CRISPLD1: variants seen among roughly 807,000 people sequenced by gnomAD.
The protein encoded by CRISPLD1 is cysteine-rich secretory protein LCCL domain-containing 1.
CRISPLD1 carries 60 observed loss-of-function variants against 77.5 expected under a neutral mutation model. That is an observed-to-expected ratio of 0.77 (90% CI 0.63 to 0.96). The LOEUF is 0.96. Among genes scored for constraint, CRISPLD1 ranks in the 40% least tolerant of loss-of-function variants. The probability of loss-of-function intolerance (pLI) is 0.00; values close to 1 mark genes in which losing one functional copy is unlikely to be tolerated. For missense variants in CRISPLD1, 623 were observed against 615.8 expected (o/e 1.01, Z -0.12); for synonymous variants, 195 against 200.1 (o/e 0.97, Z 0.22).
intron 2 of CRISPLD1, 23 bp from the exon 3 acceptor site, chr8:75,012,410 T>G (rs1357328365): frequency 1.4e-6 from 2 of 1,426,212 alleles, no homozygotes; most frequent in Non-Finnish European, 2.0e-6. Context: ...ATGTGCACAT[T>G]TTGCTTTTGT....
intron 2 of CRISPLD1, among the ~76,000 whole-genome samples, chr8:75,009,770 C>A (rs1016183694): frequency 6.6e-6 from 1 of 152,052 alleles, no homozygotes; most frequent in Non-Finnish European, 1.5e-5. Context: ...TTTCTAGATA[C>A]AAAAGGAAAT....
At chr8:75,031,567 C>CTGTGTGTGTG (rs755567610) in intron 14 of CRISPLD1, among the ~76,000 whole-genome samples, 1 of 65,674 alleles carries the variant, frequency 1.5e-5, no homozygotes, top group African/African-American at 9.5e-5. Context: ...ATTGAATGCT[C>CTGTGTGTGTG]TGTGTGTGTG....
At position 75,009,339 on chromosome 8, in the gene CRISPLD1, A is replaced by G. The variant is rs964371833; in HGVS notation, c.259-3094A>G. ...TGTGTCTTAACAGGAAAAAAAAAGA[A>G]AAAAAAAAGAAGCTTTGTTTCCTAA... On this transcript the variant is annotated intron_variant, in intron 2 of 14. Transcript: ENST00000262207. Among the ~76,000 whole-genome samples the G allele has an allele frequency of 8.7e-5, 13 of 149,922 alleles. No homozygotes were observed. The Middle Eastern group carries it at 0.01, about 118-fold the overall frequency.
intron 2 of CRISPLD1, among the ~76,000 whole-genome samples, chr8:74,999,804 T>TATAC (rs1812708896): frequency 6.6e-6 from 1 of 150,536 alleles, no homozygotes; most frequent in African/African-American, 2.4e-5. Context: ...GTACTTATAA[T>TATAC]ACACAATGTT....
intron 13 of CRISPLD1, among the ~76,000 whole-genome samples, chr8:75,027,559 C>T (rs1813255258): frequency 6.6e-6 from 1 of 152,136 alleles, no homozygotes; most frequent in African/African-American, 2.4e-5. Flanking sequence ...TTTCTACCCT[C>T]AGTGAAATGG....
chr8:75,020,557 T>A (rs1438988941), intron 12 of CRISPLD1, among the ~76,000 whole-genome samples: 1 of 152,194 alleles, frequency 6.6e-6, no homozygotes, highest in Non-Finnish European at 1.5e-5. Flanking sequence ...TCCCTTCTTG[T>A]AAGGACACTA....
At chr8:75,031,143 A>G (rs1376489258) in intron 14 of CRISPLD1, among the ~76,000 whole-genome samples, 2 of 152,050 alleles carry the variant, frequency 1.3e-5, no homozygotes, top group Admixed American at 1.3e-4. Flanking sequence ...TGGATTGGCC[A>G]TCTACTTGCA....
chr8:74,987,236 C>T (rs1001035302), intron 2 of CRISPLD1, among the ~76,000 whole-genome samples: 6 of 152,076 alleles, frequency 3.9e-5, no homozygotes, highest in Non-Finnish European at 8.8e-5. Flanking sequence ...TTAACTTTTA[C>T]CAGAAAAAAT....
chr8:75,010,741 T>C (rs1812914731), intron 2 of CRISPLD1, among the ~76,000 whole-genome samples: 1 of 152,126 alleles, frequency 6.6e-6, no homozygotes, highest in Admixed American at 6.6e-5. Flanking sequence ...TCTTTTGTTA[T>C]CTTGTTAGAG....
At chr8:75,030,157 C>A (rs1050128634) in intron 14 of CRISPLD1, among the ~76,000 whole-genome samples, 8 of 151,908 alleles carry the variant, frequency 5.3e-5, no homozygotes, top group African/African-American at 1.7e-4. Flanking sequence ...ATTAAAAGTC[C>A]TATTTATTTG....
intron 2 of CRISPLD1, among the ~76,000 whole-genome samples, chr8:74,987,776 C>T (rs1812518196): frequency 6.6e-6 from 1 of 152,084 alleles, no homozygotes; most frequent in Non-Finnish European, 1.5e-5. Context: ...TATTCAGTTG[C>T]TTTTTACTTA....
At chr8:75,016,519 C>T (rs1468586518) in intron 6 of CRISPLD1, 46 bp from the exon 7 acceptor site, 14 of 1,523,172 alleles carry the variant, frequency 9.2e-6, no homozygotes, top group Admixed American at 1.9e-5. Context: ...AATTCATGCA[C>T]ATGTAAAATA....
chr8:74,992,569 A>G (rs756074797), intron 2 of CRISPLD1, among the ~76,000 whole-genome samples: 2 of 152,236 alleles, frequency 1.3e-5, no homozygotes, highest in Non-Finnish European at 2.9e-5. Context: ...AAAAGGACAC[A>G]TGGGTCAACT....
intron 12 of CRISPLD1, among the ~76,000 whole-genome samples, chr8:75,022,169 A>G (rs1813146732): frequency 6.6e-6 from 1 of 152,242 alleles, no homozygotes; most frequent in Non-Finnish European, 1.5e-5. Context: ...ACTGTTACCA[A>G]CATAATAAAT....
In CRISPLD1 at chr8:75,032,473, C is replaced by T; in HGVS notation, c.*231C>T. The T allele has an allele frequency of 2.7e-6, 1 of 364,158 alleles. No homozygotes were observed. The highest frequency in any genetic ancestry group is 5.0e-6 in the Non-Finnish European group (1 of 201,872). The allele number at this position is 364,158 out of a possible 1,614,324, so 22.6% of individuals were successfully genotyped here. On this transcript the variant is annotated 3_prime_UTR_variant, in exon 15 of 15. Coordinates refer to ENST00000262207, the MANE Select transcript of CRISPLD1 (RefSeq NM_031461.6). ...TTTAGAAATCCTGTGTTAAATATTG[C>T]TATATTTTCTTAGCAGTTATTTCTA...
At chr8:75,029,144 T>C (rs1233228942) in intron 13 of CRISPLD1, among the ~76,000 whole-genome samples, 6 of 152,150 alleles carry the variant, frequency 3.9e-5, no homozygotes, top group Non-Finnish European at 7.4e-5. Context: ...CTAGATTAGA[T>C]TGGGGAGGGG....
Position 75,017,072 on chromosome 8 carries a change from G to C in CRISPLD1, c.955G>C (p.Asp319His). Residue 319 changes from aspartate to histidine, a missense_variant, in exon 9 of 15, where the codon GAT (aspartate) becomes CAT (histidine). Transcript: ENST00000262207. ...GTACGAATGTCCTGCTGGCTGTTTG[G>C]ATAGTAAAGCTAAAGTTATTGGCAG... ...NRYECPAGCL[D>H]SKAKVIGSVH... The C allele has an allele frequency of 6.2e-7, 1 of 1,612,620 alleles. No homozygotes were observed. Among genetic ancestry groups the C allele is most frequent in the Non-Finnish European group, 8.5e-7 (1 of 1,179,276 alleles).
intron 9 of CRISPLD1, 76 bp from the exon 10 acceptor site, chr8:75,017,244 A>G (rs1013286942): frequency 7.0e-6 from 11 of 1,560,714 alleles, no homozygotes; most frequent in Middle Eastern, 3.8e-4. Flanking sequence ...TGAAAGTCAC[A>G]TAAGTGGTAA....
intron 6 of CRISPLD1, among the ~76,000 whole-genome samples, chr8:75,016,143 C>T (rs1232746382): frequency 1.3e-5 from 2 of 152,136 alleles, no homozygotes; most frequent in Non-Finnish European, 2.9e-5. Context: ...CTTTAGGCCA[C>T]ATTTCCATTT....
Sources: gnomAD v4.1 joint callset for allele counts (sites outside exome capture counted in the v4.1 genomes callset) on GRCh38, gnomAD v4.1.1 for gene constraint, MANE v1.5 for transcripts, NCBI Gene and HGNC (gene_info 2026-07-23, HGNC 2026-07-21) for gene names.